The following PRDM11 variants were observed in gnomAD, a reference collection of about 807,000 sequenced individuals.
The protein encoded by PRDM11 is PR/SET domain 11, also known as PR domain-containing protein 11.
A neutral mutation model predicts 97.8 loss-of-function variants in PRDM11; 20 were observed. The observed-to-expected ratio is 0.20, with a 90% CI of 0.14 to 0.30. The LOEUF (loss-of-function observed/expected upper bound fraction) is 0.30, where lower values mean the gene tolerates loss of function less well. PRDM11 is among the 10% of genes least tolerant of loss of function. The pLI, the probability that PRDM11 is intolerant of heterozygous loss-of-function variation, is 1.00. For synonymous variants in PRDM11, 599 were observed against 637.7 expected (o/e 0.94, Z 0.91); for missense variants, 1,139 against 1,555.2 (o/e 0.73, Z 4.50).
chr11:45,127,772 T>G (rs1383840206), intron 1 of PRDM11, among the ~76,000 whole-genome samples: 3 of 152,084 alleles, frequency 2.0e-5, no homozygotes, highest in African/African-American at 7.2e-5. Flanking sequence ...TACCGGGGGG[T>G]GCCTCCCAGT....
At chr11:45,220,811 A>G (rs1415727029) in intron 6 of PRDM11, among the ~76,000 whole-genome samples, 1 of 152,104 alleles carries the variant, frequency 6.6e-6, no homozygotes, top group Non-Finnish European at 1.5e-5. Context: ...AGTTTTAACT[A>G]CTCTCAGCCC....
intron 1 of PRDM11, among the ~76,000 whole-genome samples, chr11:45,102,881 G>A (rs1327369118): frequency 6.6e-6 from 1 of 152,202 alleles, no homozygotes; most frequent in African/African-American, 2.4e-5. Context: ...GGCTTGCCAA[G>A]CTGATTAGTG....
Position 45,234,371 on chromosome 11 carries a change from TCCC to T in PRDM11, c.*6214_*6216del, listed in dbSNP as rs918358879. On this transcript the variant is annotated 3_prime_UTR_variant, in exon 8 of 8. Coordinates refer to ENST00000683152, the MANE Select transcript of PRDM11 (RefSeq NM_001384648.1). Reference sequence around the variant, plus strand: ...GCCTCCTCTGCCCCTGTCTTGCTCTTCCCCACCATCCTACAAGTACCTCAGTCT... The same window carrying T: ...GCCTCCTCTGCCCCTGTCTTGCTCTTCACCATCCTACAAGTACCTCAGTCT... 2.0e-5 allele frequency: 3 copies of T among 152,808 alleles called. No homozygotes were observed. The highest frequency in any genetic ancestry group is 7.3e-5 in the African/African-American group (3 of 41,140). The allele number at this position is 152,808 out of a possible 1,614,324, so 9.5% of individuals were successfully genotyped here. A position where few individuals can be genotyped will look rare whatever the true frequency, so the allele number is the denominator to read the frequency against.
At chr11:45,159,060 C>T (rs888786102) in intron 1 of PRDM11, among the ~76,000 whole-genome samples, 1 of 152,182 alleles carries the variant, frequency 6.6e-6, no homozygotes, top group Non-Finnish European at 1.5e-5. Flanking sequence ...GACCCACTGG[C>T]CCAGCTCCCA....
chr11:45,153,024 C>T (rs776718466), intron 1 of PRDM11, among the ~76,000 whole-genome samples: 19 of 152,120 alleles, frequency 1.2e-4, no homozygotes, highest in Non-Finnish European at 2.2e-4. Flanking sequence ...AAGAGGCTTT[C>T]GTAGTAATTG....
intron 1 of PRDM11, among the ~76,000 whole-genome samples, chr11:45,164,488 G>T (rs1191890901): frequency 6.6e-6 from 1 of 152,234 alleles, no homozygotes; most frequent in Non-Finnish European, 1.5e-5. Context: ...AAGAGAAATG[G>T]AAATGGCTCT....
chr11:45,174,020 A>T (rs1334474916), intron 1 of PRDM11, among the ~76,000 whole-genome samples: 1 of 152,040 alleles, frequency 6.6e-6, no homozygotes, highest in Non-Finnish European at 1.5e-5. Context: ...GAATCTTAGA[A>T]CTCCTTTTCC....
intron 5 of PRDM11, among the ~76,000 whole-genome samples, chr11:45,205,920 G>A (rs984714697): frequency 3.3e-5 from 5 of 152,070 alleles, no homozygotes; most frequent in African/African-American, 1.2e-4. Context: ...CCGTTTGATG[G>A]GTGCAGAACA....
intron 1 of PRDM11, among the ~76,000 whole-genome samples, chr11:45,150,396 T>C (rs190344415): frequency 2.6e-5 from 4 of 152,344 alleles, no homozygotes; most frequent in Admixed American, 2.6e-4. Context: ...CAGGGTTGCT[T>C]TGAGTGTGCT....
chr11:45,196,947 C>T (rs1009650739), intron 4 of PRDM11, among the ~76,000 whole-genome samples: 3 of 152,150 alleles, frequency 2.0e-5, no homozygotes, highest in Non-Finnish European at 2.9e-5. Context: ...TGGAACACAC[C>T]CCTATGAGTT....
intron 5 of PRDM11, among the ~76,000 whole-genome samples, chr11:45,211,341 G>A (rs887195832): frequency 3.9e-5 from 6 of 152,164 alleles, no homozygotes; most frequent in Non-Finnish European, 5.9e-5. Flanking sequence ...CTTCCTGGGG[G>A]GTGGTTCTGA....
In PRDM11 at chr11:45,183,110, T is replaced by G. The variant is rs770082818; in HGVS notation, c.473T>G (p.Phe158Cys). Residue 158 changes from phenylalanine to cysteine, a missense_variant, in exon 4 of 8, where the codon TTC (phenylalanine) becomes TGC (cysteine). Transcript: ENST00000683152. ...QISTQDKSAG[F>C]FSWLIVDKNN... ...TCCACCCAGGACAAATCAGCTGGCT[T>G]CTTCTCCTGGCTGGTGAGTGTGCCC... 6 of 1,612,938 alleles carry G rather than the reference T, an allele frequency of 3.7e-6. No individual in the cohort carries two copies. The highest frequency in any genetic ancestry group is 3.3e-5 in the Admixed American group (2 of 59,886).
At chr11:45,148,513 C>T (rs918518574) in intron 1 of PRDM11, among the ~76,000 whole-genome samples, 10 of 152,196 alleles carry the variant, frequency 6.6e-5, no homozygotes, top group Non-Finnish European at 1.5e-4. Context: ...CTCAAACTGA[C>T]AGGGCCCCAA....
intron 1 of PRDM11, among the ~76,000 whole-genome samples, chr11:45,136,234 A>G (rs1237891497): frequency 6.6e-6 from 1 of 152,226 alleles, no homozygotes; most frequent in East Asian, 1.9e-4. Context: ...TTGAAGGGGA[A>G]GAAGAGAAAA....
At chr11:45,189,863 A>C (rs992070890) in intron 4 of PRDM11, among the ~76,000 whole-genome samples, 4 of 152,140 alleles carry the variant, frequency 2.6e-5, no homozygotes, top group Admixed American at 1.3e-4. Flanking sequence ...TGCTCAGAGA[A>C]GTGAGGAGTA....
rs376011643 is a variant in PRDM11, at chr11:45,177,355, G to A, written c.-6-4406G>A. Among the ~76,000 whole-genome samples, 100 of 152,346 alleles carry A rather than the reference G, an allele frequency of 6.6e-4. 1 individual carries two copies. In the South Asian group the frequency reaches 0.018, roughly 27 times the overall value. On this transcript the variant is annotated intron_variant, in intron 1 of 7. Coordinates refer to ENST00000683152, the MANE Select transcript of PRDM11 (RefSeq NM_001384648.1). ...CTTGGAATCCTCCATGAAGCCTGCCGACCCCCCTTCCCCCAAGACTTTTGC... is the reference window on the plus strand; with the variant it reads ...CTTGGAATCCTCCATGAAGCCTGCCAACCCCCCTTCCCCCAAGACTTTTGC...
intron 1 of PRDM11, among the ~76,000 whole-genome samples, chr11:45,122,232 C>G (rs113064360): frequency 0.13 from 17,832 of 139,058 alleles, 1,455 homozygotes; most frequent in Admixed American, 0.25. Flanking sequence ...CACACACACA[C>G]ACACAGAGAG....
upstream of PRDM11, among the ~76,000 whole-genome samples, chr11:45,095,042 C>T (rs1449121866): frequency 6.6e-6 from 1 of 152,132 alleles, no homozygotes; most frequent in Non-Finnish European, 1.5e-5. Context: ...GGGAACTGGG[C>T]CGGCTGGCCT....
At chr11:45,149,894 A>G (rs1851618038) in intron 1 of PRDM11, among the ~76,000 whole-genome samples, 1 of 152,228 alleles carries the variant, frequency 6.6e-6, no homozygotes, top group African/African-American at 2.4e-5. Context: ...GGGACTAGAG[A>G]GGCATTTTAG....
Sources: allele counts gnomAD v4.1 joint callset (sites outside exome capture counted in the v4.1 genomes callset), GRCh38; gene constraint gnomAD v4.1.1; transcripts MANE v1.5; gene names NCBI Gene and HGNC (gene_info 2026-07-23, HGNC 2026-07-21).